Variants in SLC16A9 observed in about 807,000 individuals in gnomAD.
SLC16A9 encodes the protein monocarboxylate transporter 9.
A neutral mutation model predicts 44.3 loss-of-function variants in SLC16A9; 26 were observed. The observed-to-expected ratio is 0.59, with a 90% CI of 0.43 to 0.81. The LOEUF is 0.81. Ranked by LOEUF, SLC16A9 falls within the 40% of genes least tolerant of loss-of-function variation. SLC16A9 has a pLI of 0.00. For missense variants in SLC16A9, 559 were observed against 595.8 expected, an observed-to-expected ratio of 0.94 and a Z score of 0.64; for synonymous variants, 230 against 225.1, an observed-to-expected ratio of 1.02 and a Z score of -0.19.
rs1279736120 is a variant in SLC16A9, at chr10:59,651,319, T to C, written c.*1453A>G. 2 of 152,202 alleles carry C rather than the reference T, an allele frequency of 1.3e-5. No individual in the cohort carries two copies. Among genetic ancestry groups the C allele is most frequent in the Non-Finnish European group, 2.9e-5 (2 of 68,022 alleles). 9.4% of individuals were successfully genotyped at this position (152,202 alleles called of 1,614,324 possible). A position where few individuals can be genotyped will look rare whatever the true frequency, so the allele number is the denominator to read the frequency against. The stretch of plus-strand genomic sequence containing the variant: ...AAATGAAAAGATGATTTTGGCACAA[T>C]GGGAAGGGTGCCTCCTATTTAAAGA... On this transcript the variant is annotated 3_prime_UTR_variant, in exon 6 of 6. Coordinates refer to ENST00000395348, the MANE Select transcript of SLC16A9 (RefSeq NM_194298.3).
At chr10:59,675,100 G>T (rs541337793) in intron 2 of SLC16A9, among the ~76,000 whole-genome samples, 114 of 152,284 alleles carry the variant, frequency 7.5e-4, no homozygotes, top group Admixed American at 3.7e-3. Flanking sequence ...GCCATCTGCT[G>T]CTGATTTAGA....
At chr10:59,707,272 G>GGGA (rs1840660735) in intron 1 of SLC16A9, among the ~76,000 whole-genome samples, 1 of 126,996 alleles carries the variant, frequency 7.9e-6, no homozygotes, top group African/African-American at 3.0e-5. Context: ...GGGGAGGGGA[G>GGGA]AGGAGGGAAG....
At chr10:59,663,612 G>A (rs1278379364) in intron 4 of SLC16A9, among the ~76,000 whole-genome samples, 1 of 151,550 alleles carries the variant, frequency 6.6e-6, no homozygotes, top group Admixed American at 6.6e-5. Flanking sequence ...CTGTTGGGGG[G>A]TGGGGGGCTA....
chr10:59,699,131 G>C (rs774565469), intron 1 of SLC16A9, among the ~76,000 whole-genome samples: 1 of 152,144 alleles, frequency 6.6e-6, no homozygotes, highest in Non-Finnish European at 1.5e-5. Context: ...AACAGAACAG[G>C]CATGGGCCTG....
At chr10:59,677,036 C>T (rs1042940372) in intron 2 of SLC16A9, among the ~76,000 whole-genome samples, 4 of 136,496 alleles carry the variant, frequency 2.9e-5, no homozygotes, top group Non-Finnish European at 4.7e-5. Context: ...GAATAAAATG[C>T]AAGACAGTAA....
chr10:59,678,712 T>G (rs1839919429), intron 2 of SLC16A9, among the ~76,000 whole-genome samples: 1 of 137,912 alleles, frequency 7.3e-6, no homozygotes, highest in Non-Finnish European at 1.6e-5. Flanking sequence ...CCCGGCTAAT[T>G]TTTTGTATTT....
intron 4 of SLC16A9, among the ~76,000 whole-genome samples, chr10:59,656,642 G>A (rs1839354677): frequency 6.6e-6 from 1 of 152,088 alleles, no homozygotes; most frequent in African/African-American, 2.4e-5. Context: ...GTGGAATTTT[G>A]TAAACTGCAA....
chr10:59,656,163 T>G (rs1839344752), intron 4 of SLC16A9, among the ~76,000 whole-genome samples: 1 of 152,228 alleles, frequency 6.6e-6, no homozygotes, highest in Non-Finnish European at 1.5e-5. Context: ...TAGACAAATG[T>G]AACCCTTTCC....
intron 2 of SLC16A9, among the ~76,000 whole-genome samples, chr10:59,681,533 G>A (rs1171595): frequency 1.9e-5 from 2 of 104,434 alleles, no homozygotes; most frequent in African/African-American, 8.9e-5. Context: ...ATGTGTATGT[G>A]TATGTGTATG....
At chr10:59,681,357 C>T (rs183821983) in intron 2 of SLC16A9, among the ~76,000 whole-genome samples, 1 of 151,374 alleles carries the variant, frequency 6.6e-6, no homozygotes, top group African/African-American at 2.4e-5. Context: ...ACAATATGTT[C>T]AATGGAGCCA....
At chr10:59,663,852 A>T (rs532967514) in intron 4 of SLC16A9, among the ~76,000 whole-genome samples, 1 of 152,116 alleles carries the variant, frequency 6.6e-6, no homozygotes, top group South Asian at 2.1e-4. Flanking sequence ...AATATCATAA[A>T]GACAACTTTT....
chr10:59,675,242 A>G (rs1839833825), intron 2 of SLC16A9, among the ~76,000 whole-genome samples: 1 of 152,214 alleles, frequency 6.6e-6, no homozygotes, highest in Admixed American at 6.5e-5. Flanking sequence ...TGATTTGACC[A>G]AGAGTCCATA....
intron 1 of SLC16A9, among the ~76,000 whole-genome samples, chr10:59,704,779 T>C (rs889846829): frequency 6.6e-6 from 1 of 152,216 alleles, no homozygotes; most frequent in Non-Finnish European, 1.5e-5. Context: ...AGTGTTCTGG[T>C]GAAGAAATCT....
In SLC16A9 at chr10:59,664,177, T is replaced by A; in HGVS notation, c.436+50A>T. ...GTCTGTGCTTGGTAACTTTTTACTT[T>A]GTTTAGAAGACTGAATGGTGACAAT... On this transcript the variant is annotated intron_variant, in intron 4 of 5. Coordinates refer to ENST00000395348, the MANE Select transcript of SLC16A9 (RefSeq NM_194298.3). 3 of 1,325,906 alleles carry A rather than the reference T, an allele frequency of 2.3e-6. No individual in the cohort carries two copies. The South Asian group carries it at 4.1e-5, about 18-fold the overall frequency. The allele number at this position is 1,325,906 out of a possible 1,614,324, so 82.1% of individuals were successfully genotyped here. A position where few individuals can be genotyped will look rare whatever the true frequency, so the allele number is the denominator to read the frequency against.
intron 1 of SLC16A9, among the ~76,000 whole-genome samples, chr10:59,707,182 G>A (rs1039845082): frequency 2.0e-5 from 3 of 149,862 alleles, no homozygotes; most frequent in Non-Finnish European, 3.0e-5. Flanking sequence ...GCCTGGTGAA[G>A]TCGAGGCTGC....
In SLC16A9 at chr10:59,680,446, T is replaced by C. The variant is rs572701969; in HGVS notation, c.196+3650A>G. On this transcript the variant is annotated intron_variant, in intron 2 of 5. Transcript: ENST00000395348. ...CCACCCATCCTTCCAAGAACTGTCT[T>C]CATCTTTCATCCTGAATGGTCCCTT... Among the ~76,000 whole-genome samples the C allele has an allele frequency of 7.9e-5, 12 of 152,338 alleles. No homozygotes were observed. In the East Asian group the frequency reaches 2.3e-3, roughly 29 times the overall value.
chr10:59,676,646 G>C (rs936926089), intron 2 of SLC16A9, among the ~76,000 whole-genome samples: 1 of 152,132 alleles, frequency 6.6e-6, no homozygotes, highest in African/African-American at 2.4e-5. Context: ...TAACTGGCCA[G>C]GCATGGTGGC....
At chr10:59,706,898 C>T (rs1202394551) in intron 1 of SLC16A9, among the ~76,000 whole-genome samples, 2 of 148,674 alleles carry the variant, frequency 1.3e-5, no homozygotes, top group African/African-American at 5.0e-5. Context: ...TGCTTGAACC[C>T]GGGAGGCAGA....
intron 3 of SLC16A9, 51 bp from the exon 4 acceptor site, chr10:59,664,373 C>T: frequency 1.5e-6 from 2 of 1,316,396 alleles, no homozygotes; most frequent in Non-Finnish European, 2.1e-6. Context: ...TACTTCAATG[C>T]AAGAGAAAAA....
Sources: gnomAD v4.1 joint callset for allele counts (sites outside exome capture counted in the v4.1 genomes callset) on GRCh38, gnomAD v4.1.1 for gene constraint, MANE v1.5 for transcripts, NCBI Gene and HGNC (gene_info 2026-07-23, HGNC 2026-07-21) for gene names.